LRP1B: variants seen among roughly 807,000 people sequenced by gnomAD.
LRP1B encodes the protein LDL receptor related protein 1B, also known as low-density lipoprotein receptor-related protein 1B.
Under a neutral mutation model 556.6 loss-of-function variants are expected in LRP1B, and 217 were observed. The observed-to-expected ratio is 0.39, with a 90% CI of 0.35 to 0.44. LRP1B has a LOEUF of 0.44. LRP1B is among the 20% of genes least tolerant of loss of function. The pLI, the probability that LRP1B is intolerant of heterozygous loss-of-function variation, is 1.00. For missense variants in LRP1B, 5,053 were observed against 5,620.8 expected, an observed-to-expected ratio of 0.90 and a Z score of 3.23; for synonymous variants, 2,047 against 1,865.8, an observed-to-expected ratio of 1.10 and a Z score of -2.50.
intron 3 of LRP1B, among the ~76,000 whole-genome samples, chr2:141,261,448 A>T (rs1344689470): frequency 6.6e-6 from 1 of 152,164 alleles, no homozygotes; most frequent in Non-Finnish European, 1.5e-5. Context: ...TGTCTAACCA[A>T]TACCATTCAT....
At chr2:141,170,962 G>A (rs536672422) in intron 7 of LRP1B, among the ~76,000 whole-genome samples, 15 of 152,132 alleles carry the variant, frequency 9.9e-5, no homozygotes, top group Admixed American at 5.2e-4. Context: ...AATTATAGTC[G>A]TGTGCTCCCT....
intron 7 of LRP1B, among the ~76,000 whole-genome samples, chr2:141,102,343 C>T (rs1208669297): frequency 6.6e-6 from 1 of 152,150 alleles, no homozygotes; most frequent in African/African-American, 2.4e-5. Flanking sequence ...TTGTACAGGT[C>T]ATACTATGAG....
At chr2:141,415,163 C>T (rs1268352667) in intron 3 of LRP1B, among the ~76,000 whole-genome samples, 8 of 152,110 alleles carry the variant, frequency 5.3e-5, no homozygotes, top group African/African-American at 1.9e-4. Context: ...TACAGGCTCC[C>T]GCCACCACGC....
In LRP1B at chr2:140,887,657, T is replaced by A. The variant is rs542026661; in HGVS notation, c.3767-1322A>T. On this transcript the variant is annotated intron_variant, in intron 23 of 90. Transcript: ENST00000389484. ...CATAATAACCAAAAATGGATATAATTCATATGCTCATCAACTGATGAATAA... is the reference window on the plus strand; with the variant it reads ...CATAATAACCAAAAATGGATATAATACATATGCTCATCAACTGATGAATAA... Among the ~76,000 whole-genome samples, 112 of 152,268 alleles carry A rather than the reference T, an allele frequency of 7.4e-4. 2 individuals carry two copies. In the South Asian group the frequency reaches 0.022, roughly 30 times the overall value.
intron 1 of LRP1B, among the ~76,000 whole-genome samples, chr2:142,086,640 C>A (rs61407058): frequency 0.096 from 14,194 of 147,464 alleles, 796 homozygotes; most frequent in African/African-American, 0.14. Flanking sequence ...AACAAACAAA[C>A]AAAAAAAAAA....
intron 41 of LRP1B, among the ~76,000 whole-genome samples, chr2:140,680,614 T>C (rs1023457319): frequency 1.3e-5 from 2 of 152,220 alleles, no homozygotes; most frequent in African/African-American, 4.8e-5. Flanking sequence ...ATTTTCCACC[T>C]AATTTTAGTA....
chr2:140,761,966 T>C (rs1408133024), intron 35 of LRP1B, among the ~76,000 whole-genome samples: 1 of 139,714 alleles, frequency 7.2e-6, no homozygotes, highest in East Asian at 2.1e-4. Context: ...ATCATAATGA[T>C]GATAACTATG....
chr2:140,644,546 T>A (rs1203121150), intron 41 of LRP1B, among the ~76,000 whole-genome samples: 1 of 151,968 alleles, frequency 6.6e-6, no homozygotes, highest in Non-Finnish European at 1.5e-5. Context: ...TATAGACACG[T>A]GTCACCATGC....
intron 1 of LRP1B, among the ~76,000 whole-genome samples, chr2:142,129,411 TGCCAACA>T (rs1436830750): frequency 6.6e-6 from 1 of 152,228 alleles, no homozygotes. Context: ...AGAATCTGGC[TGCCAACA>T]GCAGGTTGAA....
At chr2:141,760,888 A>G (rs1286886581) in intron 2 of LRP1B, among the ~76,000 whole-genome samples, 2 of 152,186 alleles carry the variant, frequency 1.3e-5, no homozygotes, top group African/African-American at 4.8e-5. Context: ...CCCAACTTTT[A>G]GAAAATTATT....
At chr2:140,481,268 G>T (rs1688226642) in intron 59 of LRP1B, among the ~76,000 whole-genome samples, 1 of 152,000 alleles carries the variant, frequency 6.6e-6, no homozygotes, top group African/African-American at 2.4e-5. Flanking sequence ...TTTTCAGATG[G>T]TTTTTGCACA....
intron 2 of LRP1B, among the ~76,000 whole-genome samples, chr2:141,612,597 A>C (rs1265573777): frequency 2.6e-5 from 4 of 152,214 alleles, no homozygotes; most frequent in African/African-American, 7.2e-5. Context: ...AATTTGTAGA[A>C]ATACACCCAA....
Position 140,400,285 on chromosome 2 carries a change from C to T in LRP1B, c.10415-14276G>A, listed in dbSNP as rs550903382. ...ACCCTCTTCCAGAGCAGCCCTAAAC[C>T]AACGACTGACAGTAGCTGATGAATA... On this transcript the variant is annotated intron_variant, in intron 66 of 90. Coordinates refer to ENST00000389484, the MANE Select transcript of LRP1B (RefSeq NM_018557.3). Among the ~76,000 whole-genome samples the T allele has an allele frequency of 2.0e-5, 3 of 152,266 alleles. No homozygotes were observed. In the South Asian group the frequency reaches 6.2e-4, roughly 32 times the overall value.
intron 41 of LRP1B, among the ~76,000 whole-genome samples, chr2:140,661,930 TTATC>T (rs1685111290): frequency 6.6e-6 from 1 of 152,176 alleles, no homozygotes; most frequent in Non-Finnish European, 1.5e-5. Context: ...ACTAAACAAT[TTATC>T]TAATTGAAAC....
At chr2:141,385,412 C>G (rs1689794278) in intron 3 of LRP1B, among the ~76,000 whole-genome samples, 2 of 152,076 alleles carry the variant, frequency 1.3e-5, no homozygotes. Flanking sequence ...TATCTCTGGT[C>G]CCAATCATTT....
intron 6 of LRP1B, among the ~76,000 whole-genome samples, chr2:141,223,970 C>G (rs141676615): frequency 6.6e-6 from 1 of 152,062 alleles, no homozygotes; most frequent in African/African-American, 2.4e-5. Flanking sequence ...GACATAGGCA[C>G]GGGCAAAGAT....
intron 2 of LRP1B, among the ~76,000 whole-genome samples, chr2:141,664,023 C>G (rs1314598731): frequency 6.6e-6 from 1 of 151,894 alleles, no homozygotes; most frequent in Non-Finnish European, 1.5e-5. Flanking sequence ...AATCCAGCAG[C>G]ACATCAAAAA....
chr2:141,630,804 A>G (rs1337207542), intron 2 of LRP1B, among the ~76,000 whole-genome samples: 1 of 152,222 alleles, frequency 6.6e-6, no homozygotes, highest in African/African-American at 2.4e-5. Context: ...TCTTTTCTTT[A>G]TCCAACTATC....
chr2:141,516,622 C>A (rs183208909), intron 2 of LRP1B, among the ~76,000 whole-genome samples: 13 of 151,842 alleles, frequency 8.6e-5, no homozygotes, highest in African/African-American at 1.9e-4. Context: ...ACCACTGTAC[C>A]CCAGCCTGGG....
Sources: allele counts gnomAD v4.1 joint callset (sites outside exome capture counted in the v4.1 genomes callset), GRCh38; gene constraint gnomAD v4.1.1; transcripts MANE v1.5; gene names NCBI Gene and HGNC (gene_info 2026-07-23, HGNC 2026-07-21).